Variants in CREB5 observed in about 807,000 individuals in gnomAD.
CREB5 encodes the protein cAMP responsive element binding protein 5.
In CREB5, 19 loss-of-function variants were observed where a neutral mutation model predicts 57.1. The ratio of observed to expected loss-of-function variants is 0.33; its 90% CI spans 0.23 to 0.49. The LOEUF (loss-of-function observed/expected upper bound fraction) is 0.49. CREB5 is among the 20% of genes least tolerant of loss of function. The pLI is 0.99. For missense variants in CREB5, 579 were observed against 671.6 expected, an observed-to-expected ratio of 0.86 and a Z score of 1.52; for synonymous variants, 238 against 238.3, an observed-to-expected ratio of 1.00 and a Z score of 0.01.
At chr7:28,707,859 A>T (rs557938674) in intron 5 of CREB5, among the ~76,000 whole-genome samples, 2 of 152,226 alleles carry the variant, frequency 1.3e-5, no homozygotes, top group African/African-American at 4.8e-5. Context: ...AACTTTGAAG[A>T]TCATCATCAT....
intron 8 of CREB5, 21 bp downstream of exon 8, chr7:28,804,543 C>G: frequency 6.2e-7 from 1 of 1,608,864 alleles, no homozygotes; most frequent in South Asian, 1.1e-5. Context: ...TCCGTGATCT[C>G]TTTCCCCTTC....
At chr7:28,597,671 A>C (rs1796737915) in intron 5 of CREB5, among the ~76,000 whole-genome samples, 1 of 152,160 alleles carries the variant, frequency 6.6e-6, no homozygotes, top group African/African-American at 2.4e-5. Flanking sequence ...TCCTAGAATG[A>C]CATCAACCTC....
intron 7 of CREB5, among the ~76,000 whole-genome samples, chr7:28,755,516 AT>A (rs1562619281): frequency 6.6e-6 from 1 of 152,180 alleles, no homozygotes; most frequent in Non-Finnish European, 1.5e-5. Flanking sequence ...GCCTAAGGAA[AT>A]GGTCATTATC....
intron 8 of CREB5, 32 bp from the exon 9 acceptor site, chr7:28,809,155 C>G: frequency 6.3e-7 from 1 of 1,578,806 alleles, no homozygotes; most frequent in African/African-American, 1.3e-5. Context: ...CCTTCCCTAT[C>G]CCCATCACCT....
At chr7:28,798,636 G>T (rs7791555) in intron 7 of CREB5, among the ~76,000 whole-genome samples, 107,656 of 152,058 alleles carry the variant, frequency 0.71, 38,831 homozygotes, top group Non-Finnish European at 0.75. Flanking sequence ...GACAGGAGCT[G>T]AGAAAATACA....
intron 1 of CREB5, among the ~76,000 whole-genome samples, chr7:28,426,661 G>C (rs1250664053): frequency 6.6e-6 from 1 of 152,166 alleles, no homozygotes; most frequent in African/African-American, 2.4e-5. Context: ...ATCATCTCCT[G>C]ATCTGCAAAA....
At chr7:28,411,072 C>T (rs1168236740), upstream of CREB5, among the ~76,000 whole-genome samples, 1 of 152,182 alleles carries the variant, frequency 6.6e-6, no homozygotes, top group Admixed American at 6.5e-5. Flanking sequence ...GATCAGCGCG[C>T]AATCCGCCCT....
intron 1 of CREB5, among the ~76,000 whole-genome samples, chr7:28,417,665 G>T (rs1788081097): frequency 6.6e-6 from 1 of 152,170 alleles, no homozygotes. Flanking sequence ...CAGAGGTTGA[G>T]AACCACGGTT....
chr7:28,384,398 C>A (rs780123341), intron 1 of CREB5, among the ~76,000 whole-genome samples: 7 of 152,122 alleles, frequency 4.6e-5, no homozygotes, highest in Non-Finnish European at 8.8e-5. Flanking sequence ...GCTGCTGTAA[C>A]AATTACCACA....
At chr7:28,362,826 C>G (rs1786514252) in intron 1 of CREB5, among the ~76,000 whole-genome samples, 1 of 152,128 alleles carries the variant, frequency 6.6e-6, no homozygotes, top group Non-Finnish European at 1.5e-5. Context: ...TCTGATGAAG[C>G]TGGTTAAAAG....
At chr7:28,471,301 C>T (rs938142865) in intron 1 of CREB5, among the ~76,000 whole-genome samples, 13 of 152,112 alleles carry the variant, frequency 8.5e-5, no homozygotes, top group Non-Finnish European at 5.9e-5. Context: ...GGATTTCCAA[C>T]GTTCCCAGCA....
chr7:28,822,191 G>A lies in CREB5; in HGVS notation c.*2912G>A, dbSNP rs1448285112. Reference sequence around the variant, plus strand: ...AAACTGTCTTCTTGTTCTACTCAGGGCCTTTAGGTGTGTTCATTCACGGTA... The same window carrying A: ...AAACTGTCTTCTTGTTCTACTCAGGACCTTTAGGTGTGTTCATTCACGGTA... On this transcript the variant is annotated 3_prime_UTR_variant, in exon 11 of 11. Transcript: ENST00000357727. 6.6e-6 allele frequency: 1 copy of A among 152,166 alleles called. No homozygotes were observed. Among genetic ancestry groups the A allele is most frequent in the Non-Finnish European group, 1.5e-5 (1 of 68,028 alleles). The allele number at this position is 152,166 out of a possible 1,614,324, so 9.4% of individuals were successfully genotyped here.
At chr7:28,766,393 G>T (rs541784568) in intron 7 of CREB5, among the ~76,000 whole-genome samples, 1 of 152,202 alleles carries the variant, frequency 6.6e-6, no homozygotes, top group South Asian at 2.1e-4. Context: ...TCAGTCCTCT[G>T]TCACACTAAA....
chr7:28,476,288 C>A (rs1396406973), intron 1 of CREB5, among the ~76,000 whole-genome samples: 1 of 152,156 alleles, frequency 6.6e-6, no homozygotes, highest in African/African-American at 2.4e-5. Context: ...AGAACATTAC[C>A]TTCAACATCC....
intron 4 of CREB5, among the ~76,000 whole-genome samples, chr7:28,560,825 C>CGT (rs1562797019): frequency 2.7e-5 from 1 of 37,560 alleles, no homozygotes; most frequent in South Asian, 1.1e-3. Flanking sequence ...TGTGTGTGCG[C>CGT]GCGCGCGCGT....
intron 1 of CREB5, among the ~76,000 whole-genome samples, chr7:28,463,896 A>G (rs1452963477): frequency 6.6e-6 from 1 of 152,166 alleles, no homozygotes; most frequent in African/African-American, 2.4e-5. Context: ...GGTCCTTTCC[A>G]ATCTGGATAC....
At chr7:28,347,633 TC>T (rs1786088074) in intron 1 of CREB5, among the ~76,000 whole-genome samples, 1 of 152,122 alleles carries the variant, frequency 6.6e-6, no homozygotes, top group Non-Finnish European at 1.5e-5. Flanking sequence ...CCTGCCCCGC[TC>T]CCCACCCCAG....
chr7:28,520,404 A>G (rs1793155430), intron 4 of CREB5, among the ~76,000 whole-genome samples: 1 of 152,018 alleles, frequency 6.6e-6, no homozygotes, highest in East Asian at 1.9e-4. Flanking sequence ...AATTACTCAT[A>G]TTTGCATTCT....
chr7:28,810,709 A>AAAT (rs1455016503), intron 9 of CREB5, among the ~76,000 whole-genome samples: 1 of 91,748 alleles, frequency 1.1e-5, no homozygotes, highest in Non-Finnish European at 2.4e-5. Flanking sequence ...AATAAATAAA[A>AAAT]AGAGTTAATG....
Sources: allele counts gnomAD v4.1 joint callset (sites outside exome capture counted in the v4.1 genomes callset), GRCh38; gene constraint gnomAD v4.1.1; transcripts MANE v1.5; gene names NCBI Gene and HGNC (gene_info 2026-07-23, HGNC 2026-07-21).